CDH8: variants seen among roughly 807,000 people sequenced by gnomAD.
CDH8 encodes cadherin-8.
In CDH8, 17 loss-of-function variants were observed where a neutral mutation model predicts 68.1. That is an observed-to-expected ratio of 0.25 (90% CI 0.17 to 0.37). CDH8 has a LOEUF of 0.37. Ranked by LOEUF, CDH8 falls within the 10% of genes least tolerant of loss-of-function variation. CDH8 has a pLI of 1.00. For synonymous variants in CDH8, 372 were observed against 365.1 expected, an observed-to-expected ratio of 1.02 and a Z score of -0.21; for missense variants, 763 against 999.3, an observed-to-expected ratio of 0.76 and a Z score of 3.19.
Position 61,653,155 on chromosome 16 carries a change from C to A in CDH8, c.*453G>T. On this transcript the variant is annotated 3_prime_UTR_variant, in exon 12 of 12. Transcript: ENST00000577390. ...CCAAGTATTGCTTTATCATTTGTGGCGGGATCCTTATTGGTGAAGGGGAAA... is the reference window on the plus strand; with the variant it reads ...CCAAGTATTGCTTTATCATTTGTGGAGGGATCCTTATTGGTGAAGGGGAAA... The A allele has an allele frequency of 8.1e-7, 1 of 1,230,876 alleles. No homozygotes were observed. Among genetic ancestry groups the A allele is most frequent in the Non-Finnish European group, 1.0e-6 (1 of 987,954 alleles). The allele number at this position is 1,230,876 out of a possible 1,614,324, so 76.2% of individuals were successfully genotyped here.
At chr16:61,711,528 A>G (rs948350453) in intron 10 of CDH8, 2 of 151,744 alleles carry the variant, frequency 1.3e-5, no homozygotes, top group African/African-American at 2.4e-5. Context: ...AACATTTTTT[A>G]CAGCTTCTTT....
chr16:61,659,884 A>C (rs1012723376), intron 10 of CDH8, among the ~76,000 whole-genome samples: 2 of 152,180 alleles, frequency 1.3e-5, no homozygotes, highest in African/African-American at 4.8e-5. Flanking sequence ...AAGGAGATCA[A>C]ATTTGAATGG....
chr16:61,656,356 G>A (rs1963448526), intron 10 of CDH8, among the ~76,000 whole-genome samples: 1 of 152,092 alleles, frequency 6.6e-6, no homozygotes, highest in African/African-American at 2.4e-5. Flanking sequence ...CCATATATAA[G>A]CTTTATTTTC....
intron 6 of CDH8, among the ~76,000 whole-genome samples, chr16:61,818,460 G>C (rs1353969727): frequency 6.6e-6 from 1 of 152,114 alleles, no homozygotes; most frequent in East Asian, 1.9e-4. Flanking sequence ...AGTATAAATA[G>C]ATAACTGAAT....
intron 10 of CDH8, among the ~76,000 whole-genome samples, chr16:61,681,520 G>A (rs776277319): frequency 3.3e-5 from 5 of 151,298 alleles, no homozygotes; most frequent in African/African-American, 4.8e-5. Flanking sequence ...GCAGCTCGTG[G>A]TGTAAACAGA....
intron 2 of CDH8, among the ~76,000 whole-genome samples, chr16:61,955,644 T>C (rs1244251588): frequency 6.6e-6 from 1 of 152,192 alleles, no homozygotes; most frequent in Non-Finnish European, 1.5e-5. Context: ...AAGAAAGAGT[T>C]TATCATAAGG....
intron 2 of CDH8, among the ~76,000 whole-genome samples, chr16:62,009,975 C>G (rs80242358): frequency 6.6e-6 from 1 of 152,150 alleles, no homozygotes. Context: ...ACTAGGCTAA[C>G]CCCCGTATTA....
chr16:61,662,463 T>A (rs961865353), intron 10 of CDH8, among the ~76,000 whole-genome samples: 3 of 151,704 alleles, frequency 2.0e-5, no homozygotes, highest in African/African-American at 7.3e-5. Flanking sequence ...GATCACTGAA[T>A]CCATAGTTAC....
At chr16:61,706,478 G>A (rs549926280) in intron 10 of CDH8, among the ~76,000 whole-genome samples, 2 of 152,082 alleles carry the variant, frequency 1.3e-5, no homozygotes, top group South Asian at 2.1e-4. Context: ...AAAATTAGCC[G>A]GGCGTGGTGG....
chr16:61,766,030 TG>T (rs1242043428), intron 8 of CDH8, among the ~76,000 whole-genome samples: 1 of 151,974 alleles, frequency 6.6e-6, no homozygotes, highest in Non-Finnish European at 1.5e-5. Flanking sequence ...ACAGGTGGTT[TG>T]GGGTTACATA....
At position 61,649,547 on chromosome 16, in the gene CDH8, G is replaced by A. The variant is rs975979583; in HGVS notation, c.*4061C>T. The A allele has an allele frequency of 2.6e-5, 4 of 151,614 alleles. No individual in the cohort carries two copies. The highest frequency in any genetic ancestry group is 9.7e-5 in the African/African-American group (4 of 41,288). 9.4% of individuals were successfully genotyped at this position (151,614 alleles called of 1,614,324 possible). A position where few individuals can be genotyped will look rare whatever the true frequency, so the allele number is the denominator to read the frequency against. ...ATGCCCGCTGTTACCTTATCTTTTT[G>A]ACTGACAATGATAGGATTTCAGTCA... On this transcript the variant is annotated 3_prime_UTR_variant, in exon 12 of 12. Transcript: ENST00000577390.
At chr16:61,975,304 C>G (rs896653753) in intron 2 of CDH8, among the ~76,000 whole-genome samples, 8 of 152,122 alleles carry the variant, frequency 5.3e-5, no homozygotes, top group African/African-American at 1.9e-4. Flanking sequence ...AGAAAGGCTG[C>G]TCAGGATTTT....
intron 6 of CDH8, chr16:61,818,077 A>G (rs2143000174): frequency 5.4e-6 from 1 of 185,818 alleles, no homozygotes; most frequent in East Asian, 1.5e-4. Flanking sequence ...CTAATCAGCC[A>G]CTTAATCAGG....
chr16:61,674,470 AAC>A (rs202216817), intron 10 of CDH8, among the ~76,000 whole-genome samples: 4,154 of 151,056 alleles, frequency 0.027, 176 homozygotes, highest in African/African-American at 0.097. Context: ...AAAAAAAAAA[AAC>A]CCTCACACTG....
At chr16:61,791,097 T>C (rs185429537) in intron 7 of CDH8, among the ~76,000 whole-genome samples, 1 of 152,116 alleles carries the variant, frequency 6.6e-6, no homozygotes, top group East Asian at 1.9e-4. Flanking sequence ...AAATATATTA[T>C]GAAATGAAAT....
At chr16:61,664,994 G>A (rs539437035) in intron 10 of CDH8, among the ~76,000 whole-genome samples, 26 of 152,078 alleles carry the variant, frequency 1.7e-4, no homozygotes, top group African/African-American at 5.8e-4. Flanking sequence ...GGAAGTATTC[G>A]TTATCAACTA....
chr16:61,723,696 T>C (rs530455489), intron 9 of CDH8, among the ~76,000 whole-genome samples: 15 of 150,802 alleles, frequency 9.9e-5, no homozygotes, highest in African/African-American at 3.6e-4. Flanking sequence ...TCAGTAAGTA[T>C]TTACTGACTG....
intron 2 of CDH8, among the ~76,000 whole-genome samples, chr16:61,951,341 C>A (rs1282554587): frequency 1.3e-5 from 2 of 151,886 alleles, no homozygotes; most frequent in Non-Finnish European, 2.9e-5. Context: ...AAAACCCAGT[C>A]TTTACTAAAA....
chr16:61,749,997 A>T (rs1596929937), intron 8 of CDH8, among the ~76,000 whole-genome samples: 1 of 152,104 alleles, frequency 6.6e-6, no homozygotes, highest in Admixed American at 6.6e-5. Flanking sequence ...GGTATAAATG[A>T]TCCTGTCACC....
Sources: gnomAD v4.1 joint callset for allele counts (sites outside exome capture counted in the v4.1 genomes callset) on GRCh38, gnomAD v4.1.1 for gene constraint, MANE v1.5 for transcripts, NCBI Gene and HGNC (gene_info 2026-07-23, HGNC 2026-07-21) for gene names.